ROBO1: variants seen among roughly 807,000 people sequenced by gnomAD.
ROBO1 encodes the protein roundabout guidance receptor 1.
ROBO1 carries 149 observed loss-of-function variants against 195.9 expected under a neutral mutation model. That is an observed-to-expected ratio of 0.76 (90% CI 0.67 to 0.87). The LOEUF (loss-of-function observed/expected upper bound fraction) is 0.87, where lower values mean the gene tolerates loss of function less well. Ranked by LOEUF, ROBO1 falls within the 40% of genes least tolerant of loss-of-function variation. ROBO1 has a pLI of 0.00. For synonymous variants in ROBO1, 816 were observed against 733.2 expected (o/e 1.11, Z -1.82); for missense variants, 1,933 against 2,068.3 (o/e 0.93, Z 1.27).
intron 4 of ROBO1, among the ~76,000 whole-genome samples, chr3:78,807,773 GTT>G (rs921297411): frequency 6.6e-6 from 1 of 152,182 alleles, no homozygotes; most frequent in African/African-American, 2.4e-5. Context: ...GTGTGTTTGT[GTT>G]ATGTGTGCAT....
At chr3:79,194,509 A>T (rs2081596762) in intron 2 of ROBO1, among the ~76,000 whole-genome samples, 1 of 151,662 alleles carries the variant, frequency 6.6e-6, no homozygotes, top group Admixed American at 6.6e-5. Flanking sequence ...GACACGAGGG[A>T]GCCCTGAAGG....
In ROBO1 at chr3:78,661,207, C is replaced by T. The variant is rs1707379279; in HGVS notation, c.2143G>A (p.Gly715Arg). The T allele has an allele frequency of 8.7e-6, 14 of 1,613,162 alleles. No individual in the cohort carries two copies. The highest frequency in any genetic ancestry group is 1.2e-5 in the Non-Finnish European group (14 of 1,179,502). ...CAGTCTGATTCTCCGTGGTTGGCTC[C>T]AGATGGCCGATAGAGAATTTTATAT... ...QGYKILYRPSGANHGESDWLV... is the reference protein window; with the variant it reads ...QGYKILYRPSRANHGESDWLV... Residue 715 changes from glycine (G) to arginine (R), a missense_variant, in exon 16 of 31, where the codon GGA (glycine) becomes AGA (arginine). Transcript: ENST00000464233.
chr3:79,012,403 G>A (rs1156296877), intron 3 of ROBO1, among the ~76,000 whole-genome samples: 1 of 152,146 alleles, frequency 6.6e-6, no homozygotes, highest in Admixed American at 6.5e-5. Flanking sequence ...AGCCCAGATA[G>A]ACTATTTAGT....
chr3:79,544,192 A>T (rs1008190122), intron 2 of ROBO1, among the ~76,000 whole-genome samples: 5 of 152,002 alleles, frequency 3.3e-5, no homozygotes, highest in Admixed American at 1.3e-4. Context: ...TTAAGTCAAG[A>T]GCATATAAAG....
intron 2 of ROBO1, among the ~76,000 whole-genome samples, chr3:79,227,276 G>A (rs938227795): frequency 2.2e-4 from 33 of 152,020 alleles, no homozygotes; most frequent in Non-Finnish European, 2.5e-4. Flanking sequence ...TTTTAAGGTG[G>A]GAGTTATTCA....
At chr3:79,298,533 A>G (rs2032718438) in intron 2 of ROBO1, among the ~76,000 whole-genome samples, 2 of 152,114 alleles carry the variant, frequency 1.3e-5, no homozygotes, top group South Asian at 4.1e-4. Flanking sequence ...ACTAGTAATG[A>G]AATATTACTT....
chr3:79,374,232 T>C (rs935343735), intron 2 of ROBO1, among the ~76,000 whole-genome samples: 26 of 152,300 alleles, frequency 1.7e-4, no homozygotes, highest in African/African-American at 5.8e-4. Flanking sequence ...CAGTTTCAAA[T>C]ATATTAGTCT....
chr3:79,127,072 T>C (rs2080229906), intron 2 of ROBO1, among the ~76,000 whole-genome samples: 1 of 152,126 alleles, frequency 6.6e-6, no homozygotes, highest in East Asian at 1.9e-4. Context: ...CTTGCTTTAT[T>C]CATCCTTGCC....
chr3:78,686,900 T>C (rs2081065150), intron 9 of ROBO1, among the ~76,000 whole-genome samples: 1 of 152,164 alleles, frequency 6.6e-6, no homozygotes, highest in Non-Finnish European at 1.5e-5. Context: ...TCACGCTTCT[T>C]AGAGTTAGTG....
chr3:79,492,643 C>G (rs544875099), intron 2 of ROBO1, among the ~76,000 whole-genome samples: 67 of 151,890 alleles, frequency 4.4e-4, no homozygotes, highest in African/African-American at 1.5e-3. Flanking sequence ...AGAAATAACC[C>G]TACTAAGAAA....
chr3:79,054,321 C>A (rs2078761712), intron 3 of ROBO1, among the ~76,000 whole-genome samples: 1 of 152,132 alleles, frequency 6.6e-6, no homozygotes, highest in African/African-American at 2.4e-5. Context: ...TCATGCTGAA[C>A]TATACCCTGA....
intron 2 of ROBO1, among the ~76,000 whole-genome samples, chr3:79,136,645 A>G (rs1160049147): frequency 6.6e-6 from 1 of 152,148 alleles, no homozygotes; most frequent in African/African-American, 2.4e-5. Flanking sequence ...AATCAAATAC[A>G]AGAAACCCCT....
chr3:79,730,787 T>G, intron 1 of ROBO1, among the ~76,000 whole-genome samples: 1 of 104,270 alleles, frequency 9.6e-6, no homozygotes, highest in Non-Finnish European at 2.0e-5. Context: ...TTTTTTTTTT[T>G]TTTTTTTTGA....
At chr3:78,934,019 C>T (rs111337284) in intron 4 of ROBO1, among the ~76,000 whole-genome samples, 3 of 151,824 alleles carry the variant, frequency 2.0e-5, no homozygotes, top group Non-Finnish European at 4.4e-5. Context: ...AGTATCTTAG[C>T]AAATGTATCT....
chr3:78,792,411 G>A (rs1264445347), intron 4 of ROBO1, among the ~76,000 whole-genome samples: 1 of 152,146 alleles, frequency 6.6e-6, no homozygotes, highest in Non-Finnish European at 1.5e-5. Flanking sequence ...GCCATTATTA[G>A]ATAGTGAGCT....
At chr3:79,131,486 T>C (rs2080307873) in intron 2 of ROBO1, among the ~76,000 whole-genome samples, 1 of 14,276 alleles carries the variant, frequency 7.0e-5, no homozygotes, top group Admixed American at 1.4e-3. Flanking sequence ...GTTTGTAGTA[T>C]TCTCTGATGG....
intron 1 of ROBO1, among the ~76,000 whole-genome samples, chr3:79,663,857 A>G (rs1055107980): frequency 6.6e-6 from 1 of 151,976 alleles, no homozygotes; most frequent in Non-Finnish European, 1.5e-5. Context: ...ATTTTCCAGC[A>G]TCTTCCTCTT....
chr3:79,067,021 CTA>C (rs2079014005), intron 3 of ROBO1, among the ~76,000 whole-genome samples: 1 of 151,838 alleles, frequency 6.6e-6, no homozygotes, highest in Non-Finnish European at 1.5e-5. Flanking sequence ...CTAGAGCTGA[CTA>C]GATACCATTA....
intron 2 of ROBO1, among the ~76,000 whole-genome samples, chr3:79,343,860 C>T (rs991647881): frequency 2.0e-5 from 3 of 152,136 alleles, no homozygotes; most frequent in Non-Finnish European, 2.9e-5. Flanking sequence ...ATTGTACACA[C>T]TCTCTATGGT....
Sources: allele counts gnomAD v4.1 joint callset (sites outside exome capture counted in the v4.1 genomes callset), GRCh38; gene constraint gnomAD v4.1.1; transcripts MANE v1.5; gene names NCBI Gene and HGNC (gene_info 2026-07-23, HGNC 2026-07-21).